The following COL6A5 variants were observed in gnomAD, a reference collection of about 807,000 sequenced individuals.
COL6A5 encodes collagen type VI alpha 5 chain, also known as collagen alpha-5(VI) chain.
COL6A5 carries 48 observed loss-of-function variants against 65.6 expected under a neutral mutation model. The observed-to-expected ratio is 0.73, with a 90% CI of 0.58 to 0.93. COL6A5 has a LOEUF of 0.93. Ranked by LOEUF, COL6A5 falls within the 40% of genes least tolerant of loss-of-function variation. The pLI is 0.00. For synonymous variants in COL6A5, 291 were observed against 322.8 expected, an observed-to-expected ratio of 0.90 and a Z score of 1.05; for missense variants, 914 against 928.3, an observed-to-expected ratio of 0.98 and a Z score of 0.20.
intron 5 of COL6A5, among the ~76,000 whole-genome samples, chr3:130,460,451 T>G (rs998092044): frequency 1.3e-5 from 2 of 152,144 alleles, no homozygotes; most frequent in Non-Finnish European, 2.9e-5. Context: ...TCAGAATAAG[T>G]GGACTATCTG....
intron 7 of COL6A5, 62 bp from the exon 41 acceptor site, chr3:130,483,973 G>A: frequency 6.7e-7 from 1 of 1,488,588 alleles, no homozygotes; most frequent in South Asian, 1.2e-5. Flanking sequence ...AGTAGGCCCT[G>A]GAGGAACATT....
intron 6 of COL6A5, among the ~76,000 whole-genome samples, chr3:130,470,497 A>G (rs1294312447): frequency 6.6e-6 from 1 of 152,038 alleles, no homozygotes; most frequent in Non-Finnish European, 1.5e-5. Context: ...AATAGCTAAT[A>G]GAGTCTTCTC....
At chr3:130,394,803 A>T (rs914866483) in intron 7 of COL6A5, 87 bp from the exon 8 acceptor site, 33 of 910,704 alleles carry the variant, frequency 3.6e-5, no homozygotes, top group Non-Finnish European at 4.8e-5. Flanking sequence ...CAATTGAAGT[A>T]TTTAGTAAAG....
At chr3:130,434,127 C>T (rs1937942978) in intron 1 of COL6A5, among the ~76,000 whole-genome samples, 1 of 152,128 alleles carries the variant, frequency 6.6e-6, no homozygotes, top group African/African-American at 2.4e-5. Context: ...TGTGTTGTTC[C>T]CTCTCAGTGT....
chr3:130,429,440 G>A (rs546746346), upstream of COL6A5: 1 of 677,750 alleles, frequency 1.5e-6, no homozygotes, highest in South Asian at 2.2e-5. Flanking sequence ...TTGGCTTCCT[G>A]TCACTTAGGA....
chr3:130,476,575 G>T (rs930487855), intron 7 of COL6A5, among the ~76,000 whole-genome samples: 2 of 151,988 alleles, frequency 1.3e-5, no homozygotes, highest in Non-Finnish European at 2.9e-5. Flanking sequence ...TAAGACACAG[G>T]CATCAGTTCT....
chr3:130,430,800 T>G (rs1377700178), upstream of COL6A5, among the ~76,000 whole-genome samples: 1 of 152,202 alleles, frequency 6.6e-6, no homozygotes, highest in African/African-American at 2.4e-5. Context: ...GAATCCTCAT[T>G]AAGAATAATC....
intron 8 of COL6A5, 21 bp from the exon 9 acceptor site, chr3:130,397,562 C>G: frequency 1.3e-6 from 2 of 1,521,524 alleles, no homozygotes; most frequent in South Asian, 2.5e-5. Context: ...TTAATCTTGA[C>G]TCTGTTCCCT....
At chr3:130,398,670 T>C (rs752296841) in intron 10 of COL6A5, among the ~76,000 whole-genome samples, 3 of 152,184 alleles carry the variant, frequency 2.0e-5, no homozygotes, top group Non-Finnish European at 4.4e-5. Context: ...ACCATGTACC[T>C]GGACGTGCTT....
chr3:130,354,885 A>T (rs1934867106), intron 1 of COL6A5, among the ~76,000 whole-genome samples: 1 of 152,204 alleles, frequency 6.6e-6, no homozygotes, highest in Admixed American at 6.5e-5. Context: ...ATGTAGCTAG[A>T]CTGAGTTGAG....
At chr3:130,427,054 C>T (rs755667068), upstream of COL6A5, among the ~76,000 whole-genome samples, 26 of 152,214 alleles carry the variant, frequency 1.7e-4, no homozygotes, top group Non-Finnish European at 2.9e-4. Context: ...AGACTGTTTA[C>T]ACTTATAGAA....
At chr3:130,418,646 T>C (rs1404082303) in intron 24 of COL6A5, among the ~76,000 whole-genome samples, 1 of 152,072 alleles carries the variant, frequency 6.6e-6, no homozygotes, top group Non-Finnish European at 1.5e-5. Context: ...TTCAGTACTT[T>C]TATAACACTG....
chr3:130,454,588 A>G (rs1457263842), intron 4 of COL6A5, among the ~76,000 whole-genome samples: 1 of 152,218 alleles, frequency 6.6e-6, no homozygotes, highest in Non-Finnish European at 1.5e-5. Flanking sequence ...ATAAACTTCT[A>G]TTGAATATGT....
Position 130,376,915 on chromosome 3 carries a change from T to C in COL6A5, c.667+79T>C, listed in dbSNP as rs575359773. 209 of 1,405,998 alleles carry C rather than the reference T, an allele frequency of 1.5e-4. No individual in the cohort carries two copies. The African/African-American group carries it at 2.5e-3, about 17-fold the overall frequency. 87.1% of individuals were successfully genotyped at this position (1,405,998 alleles called of 1,614,324 possible). A position where few individuals can be genotyped will look rare whatever the true frequency, so the allele number is the denominator to read the frequency against. On this transcript the variant is annotated intron_variant and NMD_transcript_variant, in intron 3 of 41. Coordinates refer to the COL6A5 transcript ENST00000312481. ...GTCCACTCTCACCTCTTGCAACTCA[T>C]GTTAGGTTTTCATGATTAGCCATGT...
At chr3:130,395,533 A>G in intron 8 of COL6A5, 68 bp downstream of exon 8, 1 of 1,151,524 alleles carries the variant, frequency 8.7e-7, no homozygotes, top group Non-Finnish European at 1.2e-6. Context: ...AGAGTGTCTT[A>G]TGGGCTAGCT....
intron 5 of COL6A5, among the ~76,000 whole-genome samples, chr3:130,387,833 TTAA>T (rs754432028): frequency 2.7e-4 from 41 of 152,072 alleles, no homozygotes; most frequent in African/African-American, 7.9e-4. Context: ...GTATCATGAA[TTAA>T]TAATATTGTT....
rs111253199 is a variant in COL6A5, at chr3:130,368,544, A to AGTGT, written c.-28-5066_-28-5065insTGTG. Among the ~76,000 whole-genome samples, 431 of 150,644 alleles carry AGTGT rather than the reference A, an allele frequency of 2.9e-3. 1 individual carries two copies. Among genetic ancestry groups the AGTGT allele is most frequent in the African/African-American group, 7.7e-3 (312 of 40,418 alleles). On this transcript the variant is annotated intron_variant and NMD_transcript_variant, in intron 1 of 41. Transcript: ENST00000312481. ...GTGTGTATGTGTGAGTGTGTGTGAGAGAGTGTGTGTGTGTGTGTGTTACTG... is the reference window on the plus strand; with the variant it reads ...GTGTGTATGTGTGAGTGTGTGTGAGAGTGTGAGTGTGTGTGTGTGTGTGTTACTG...
chr3:130,472,326 G>C (rs893489413), intron 7 of COL6A5, among the ~76,000 whole-genome samples: 2 of 151,970 alleles, frequency 1.3e-5, no homozygotes, highest in Non-Finnish European at 2.9e-5. Flanking sequence ...GGTTTTCTTG[G>C]TTTGAGATGT....
At chr3:130,405,942 A>G in intron 14 of COL6A5, 51 bp from the exon 15 acceptor site, 2 of 1,530,648 alleles carry the variant, frequency 1.3e-6, no homozygotes, top group Admixed American at 3.9e-5. Context: ...CAGTCTTTGA[A>G]TCCACACTCT....
Sources: gnomAD v4.1 joint callset for allele counts (sites outside exome capture counted in the v4.1 genomes callset) on GRCh38, gnomAD v4.1.1 for gene constraint, MANE v1.5 for transcripts, NCBI Gene and HGNC (gene_info 2026-07-23, HGNC 2026-07-21) for gene names.